LUZP2: variants seen among roughly 807,000 people sequenced by gnomAD.
LUZP2 encodes leucine zipper protein 2.
In LUZP2, 52 loss-of-function variants were observed where a neutral mutation model predicts 51.6. The ratio of observed to expected loss-of-function variants is 1.01; its 90% CI spans 0.81 to 1.27. LUZP2 has a LOEUF of 1.27. Among genes scored for constraint, LUZP2 ranks in the 50% most tolerant of loss-of-function variants. The pLI, the probability that LUZP2 is intolerant of heterozygous loss-of-function variation, is 0.00. For missense variants in LUZP2, 436 were observed against 395.4 expected (o/e 1.10, Z -0.87); for synonymous variants, 154 against 137.3 (o/e 1.12, Z -0.85).
At chr11:24,562,576 G>A (rs7118031) in intron 1 of LUZP2, among the ~76,000 whole-genome samples, 13 of 151,756 alleles carry the variant, frequency 8.6e-5, no homozygotes, top group African/African-American at 2.9e-4. Context: ...GTTATAGGCC[G>A]GGCGCGGTGG....
chr11:24,816,863 T>C (rs1172128200), intron 5 of LUZP2, among the ~76,000 whole-genome samples: 1 of 152,036 alleles, frequency 6.6e-6, no homozygotes, highest in East Asian at 1.9e-4. Context: ...TTCTGGGCGG[T>C]ATATTTGAGA....
At chr11:24,826,331 G>A (rs1036582846) in intron 5 of LUZP2, among the ~76,000 whole-genome samples, 9 of 150,594 alleles carry the variant, frequency 6.0e-5, no homozygotes, top group African/African-American at 2.2e-4. Flanking sequence ...TATGGTAGTT[G>A]TGTCTCTGAG....
At chr11:24,848,460 T>C (rs960444277) in intron 5 of LUZP2, among the ~76,000 whole-genome samples, 1 of 152,160 alleles carries the variant, frequency 6.6e-6, no homozygotes, top group Non-Finnish European at 1.5e-5. Flanking sequence ...GCTCCCACCC[T>C]TCCACTCCTG....
chr11:24,578,537 G>T (rs555364834), intron 1 of LUZP2, among the ~76,000 whole-genome samples: 1 of 149,862 alleles, frequency 6.7e-6, no homozygotes, highest in East Asian at 2.0e-4. Context: ...GTCACCCTAG[G>T]TGCCCAGTGA....
chr11:24,584,321 A>G (rs1852983178), intron 1 of LUZP2, among the ~76,000 whole-genome samples: 1 of 152,094 alleles, frequency 6.6e-6, no homozygotes. Context: ...TAGTAGCCTA[A>G]ATTCTGGCAT....
intron 1 of LUZP2, among the ~76,000 whole-genome samples, chr11:24,681,853 C>T (rs1030137323): frequency 1.3e-5 from 2 of 152,092 alleles, no homozygotes; most frequent in Non-Finnish European, 2.9e-5. Flanking sequence ...GATTTTATGG[C>T]ATTTTTCCAG....
At chr11:24,497,370 TGGGTCACCAGTGG>T in intron 1 of LUZP2, 65 bp downstream of exon 1, 1 of 1,285,058 alleles carries the variant, frequency 7.8e-7, no homozygotes, top group East Asian at 3.0e-5. Flanking sequence ...GGTCCTACTG[TGGGTCACCAGTGG>T]GGGCCAAGGC....
At chr11:24,892,917 T>G (rs968964663) in intron 5 of LUZP2, 2 of 152,216 alleles carry the variant, frequency 1.3e-5, no homozygotes, top group Non-Finnish European at 2.9e-5. Context: ...CTGAACAGAA[T>G]GATGTTTGTA....
Position 24,953,707 on chromosome 11 carries a change from GT to G in LUZP2, c.523-22880del, listed in dbSNP as rs1000749706. Among the ~76,000 whole-genome samples the G allele has an allele frequency of 1.4e-4, 22 of 151,964 alleles. 1 individual carries two copies. Among genetic ancestry groups the G allele is most frequent in the East Asian group, 7.7e-4 (4 of 5,182 alleles). On this transcript the variant is annotated intron_variant, in intron 7 of 11. Coordinates refer to ENST00000336930, the MANE Select transcript of LUZP2 (RefSeq NM_001009909.4). ...TGCTTTGGAAGAATATAAGAATCCT[GT>G]TTTCTTTGTACAGTATGTGGCACCT...
At chr11:25,061,775 T>A (rs888101799) in intron 10 of LUZP2, among the ~76,000 whole-genome samples, 2 of 152,176 alleles carry the variant, frequency 1.3e-5, no homozygotes, top group African/African-American at 4.8e-5. Context: ...TCACTACAAT[T>A]TATTACATCT....
intron 5 of LUZP2, chr11:24,786,061 G>T: frequency 1.0e-6 from 1 of 985,136 alleles, no homozygotes; most frequent in East Asian, 1.1e-4. Flanking sequence ...TTTGCTGGTG[G>T]GCACATTTTT....
chr11:24,576,256 C>CAA (rs199713540), intron 1 of LUZP2, among the ~76,000 whole-genome samples: 2 of 150,930 alleles, frequency 1.3e-5, no homozygotes, highest in African/African-American at 2.4e-5. Context: ...ACTAAAGATA[C>CAA]AAAAAAATTA....
Position 24,800,476 on chromosome 11 carries a change from T to G in LUZP2, c.396+37168T>G, listed in dbSNP as rs113045885. Among the ~76,000 whole-genome samples, 1,373 of 151,734 alleles carry G rather than the reference T, an allele frequency of 9.0e-3. 19 individuals carry two copies. Among genetic ancestry groups the G allele is most frequent in the African/African-American group, 0.03 (1,254 of 41,366 alleles). Reference sequence around the variant, plus strand: ...TTACTGAATTCCCTATATAAGCATGTTCAGAGATCTAGTGAATGCCAGGTC... The same window carrying G: ...TTACTGAATTCCCTATATAAGCATGGTCAGAGATCTAGTGAATGCCAGGTC... On this transcript the variant is annotated intron_variant, in intron 5 of 11. Coordinates refer to ENST00000336930, the MANE Select transcript of LUZP2 (RefSeq NM_001009909.4).
At chr11:24,659,060 C>T (rs962707054) in intron 1 of LUZP2, among the ~76,000 whole-genome samples, 6 of 152,206 alleles carry the variant, frequency 3.9e-5, no homozygotes, top group Non-Finnish European at 7.3e-5. Context: ...ACCCAGCCAT[C>T]CCATTACTGG....
chr11:24,955,675 C>T (rs774468466), intron 7 of LUZP2, among the ~76,000 whole-genome samples: 4 of 151,926 alleles, frequency 2.6e-5, no homozygotes, highest in South Asian at 2.1e-4. Flanking sequence ...GAACAAAAAA[C>T]GTGGGTGCAT....
chr11:24,801,558 T>C (rs1287389756), intron 5 of LUZP2, among the ~76,000 whole-genome samples: 1 of 151,870 alleles, frequency 6.6e-6, no homozygotes, highest in Admixed American at 6.6e-5. Context: ...GGAAACACAG[T>C]TAATGAAAAA....
chr11:24,724,584 A>G (rs1278529067), intron 1 of LUZP2, among the ~76,000 whole-genome samples: 1 of 152,156 alleles, frequency 6.6e-6, no homozygotes, highest in Non-Finnish European at 1.5e-5. Context: ...AAATCAATCA[A>G]TCAATTAATT....
At chr11:24,789,858 C>A (rs972459207) in intron 5 of LUZP2, among the ~76,000 whole-genome samples, 4 of 152,274 alleles carry the variant, frequency 2.6e-5, no homozygotes, top group African/African-American at 9.6e-5. Flanking sequence ...ATCTAATCAT[C>A]TTTCAAGGGC....
chr11:24,867,223 TA>T (rs1435963236), intron 5 of LUZP2, among the ~76,000 whole-genome samples: 2 of 152,156 alleles, frequency 1.3e-5, no homozygotes, highest in Admixed American at 6.6e-5. Context: ...CATCTTACGG[TA>T]AGACAAGACT....
Sources: gnomAD v4.1 joint callset for allele counts (sites outside exome capture counted in the v4.1 genomes callset) on GRCh38, gnomAD v4.1.1 for gene constraint, MANE v1.5 for transcripts, NCBI Gene and HGNC (gene_info 2026-07-23, HGNC 2026-07-21) for gene names.